The following CNTNAP2 variants were observed in gnomAD, a reference collection of about 807,000 sequenced individuals.
CNTNAP2 encodes contactin associated protein 2, also known as contactin-associated protein-like 2.
A neutral mutation model predicts 155.2 loss-of-function variants in CNTNAP2; 98 were observed. That is an observed-to-expected ratio of 0.63 (90% CI 0.54 to 0.75). The LOEUF is 0.75. Among genes scored for constraint, CNTNAP2 ranks in the 30% least tolerant of loss-of-function variants. The pLI is 0.00. For synonymous variants in CNTNAP2, 651 were observed against 631.2 expected (o/e 1.03, Z -0.47); for missense variants, 1,727 against 1,688.1 (o/e 1.02, Z -0.40).
intron 13 of CNTNAP2, among the ~76,000 whole-genome samples, chr7:147,804,022 A>G (rs1798048770): frequency 6.6e-6 from 1 of 152,224 alleles, no homozygotes; most frequent in African/African-American, 2.4e-5. Flanking sequence ...AGTCTAAGAC[A>G]ATGGAGCAAT....
At chr7:148,318,649 A>G (rs1424080072) in intron 21 of CNTNAP2, among the ~76,000 whole-genome samples, 3 of 152,226 alleles carry the variant, frequency 2.0e-5, no homozygotes, top group Non-Finnish European at 4.4e-5. Flanking sequence ...AGCAGGTGGC[A>G]TGGCATGTAA....
At chr7:146,930,791 C>T (rs1304168447) in intron 3 of CNTNAP2, among the ~76,000 whole-genome samples, 1 of 152,024 alleles carries the variant, frequency 6.6e-6, no homozygotes, top group Non-Finnish European at 1.5e-5. Context: ...CAATCCTAGT[C>T]TCTGATAAAA....
At chr7:147,219,109 G>C (rs563667472) in intron 8 of CNTNAP2, among the ~76,000 whole-genome samples, 8 of 152,294 alleles carry the variant, frequency 5.3e-5, no homozygotes, top group African/African-American at 1.9e-4. Context: ...GAGAGGGTGA[G>C]AGAGCAAGAA....
At chr7:147,424,729 A>G (rs916218785) in intron 10 of CNTNAP2, among the ~76,000 whole-genome samples, 4 of 152,010 alleles carry the variant, frequency 2.6e-5, no homozygotes, top group Non-Finnish European at 5.9e-5. Context: ...AACATCTCAA[A>G]CTCTTTGTTT....
chr7:146,354,216 CT>C (rs1315519567), intron 1 of CNTNAP2, among the ~76,000 whole-genome samples: 1 of 152,154 alleles, frequency 6.6e-6, no homozygotes, highest in Non-Finnish European at 1.5e-5. Context: ...CACTTATCCA[CT>C]GTGAGCTTTA....
intron 1 of CNTNAP2, among the ~76,000 whole-genome samples, chr7:146,199,574 A>T (rs1798827158): frequency 6.6e-6 from 1 of 152,242 alleles, no homozygotes; most frequent in Admixed American, 6.5e-5. Context: ...CATGACTGGA[A>T]GGAAAATATC....
At chr7:147,240,082 AT>A (rs565481729) in intron 8 of CNTNAP2, among the ~76,000 whole-genome samples, 18 of 152,234 alleles carry the variant, frequency 1.2e-4, no homozygotes, top group Admixed American at 1.1e-3. Context: ...TTTATGCCTC[AT>A]TTTTTTAATC....
intron 1 of CNTNAP2, among the ~76,000 whole-genome samples, chr7:146,659,328 C>T (rs963665132): frequency 6.6e-6 from 1 of 152,070 alleles, no homozygotes; most frequent in East Asian, 1.9e-4. Flanking sequence ...TACTTTCAGG[C>T]CTGCCTTTGG....
intron 13 of CNTNAP2, among the ~76,000 whole-genome samples, chr7:147,901,661 T>C (rs28742137): frequency 0.017 from 2,555 of 152,338 alleles, 71 homozygotes; most frequent in African/African-American, 0.056. Context: ...AATGCATACT[T>C]GACCTTCAAG....
intron 2 of CNTNAP2, among the ~76,000 whole-genome samples, chr7:146,780,937 T>G (rs1802475119): frequency 6.6e-6 from 1 of 151,954 alleles, no homozygotes; most frequent in Non-Finnish European, 1.5e-5. Flanking sequence ...GCTTAAAACC[T>G]AGATGACAGG....
chr7:148,296,875 C>A (rs1438983924), intron 21 of CNTNAP2, among the ~76,000 whole-genome samples: 1 of 152,150 alleles, frequency 6.6e-6, no homozygotes, highest in East Asian at 1.9e-4. Flanking sequence ...TGACCCAAGT[C>A]AAAGTTTATT....
intron 1 of CNTNAP2, among the ~76,000 whole-genome samples, chr7:146,206,513 G>A (rs1415260721): frequency 2.6e-5 from 4 of 151,908 alleles, no homozygotes; most frequent in East Asian, 1.9e-4. Flanking sequence ...GACCCAAAAG[G>A]GAGGATAGAC....
At chr7:148,413,495 A>G (rs1396982770) in intron 23 of CNTNAP2, among the ~76,000 whole-genome samples, 1 of 144,642 alleles carries the variant, frequency 6.9e-6, no homozygotes, top group Non-Finnish European at 1.5e-5. Flanking sequence ...GTGTCAGGAT[A>G]ATGCTGGTCT....
At chr7:147,483,095 A>C (rs867634379) in intron 10 of CNTNAP2, among the ~76,000 whole-genome samples, 69 of 152,090 alleles carry the variant, frequency 4.5e-4, no homozygotes, top group African/African-American at 1.5e-3. Flanking sequence ...AGAAAGAAAA[A>C]TATTAAAATT....
intron 1 of CNTNAP2, among the ~76,000 whole-genome samples, chr7:146,530,560 G>A (rs1295108956): frequency 6.6e-6 from 1 of 152,130 alleles, no homozygotes; most frequent in Non-Finnish European, 1.5e-5. Flanking sequence ...TAAAAAGTGG[G>A]CAAAAGACAT....
intron 3 of CNTNAP2, among the ~76,000 whole-genome samples, chr7:146,891,841 G>T (rs988481953): frequency 3.3e-5 from 5 of 152,050 alleles, no homozygotes; most frequent in South Asian, 4.1e-4. Flanking sequence ...CACAAGAAAT[G>T]GTATCCATTT....
intron 3 of CNTNAP2, among the ~76,000 whole-genome samples, chr7:146,904,680 C>T (rs1231214439): frequency 2.0e-5 from 3 of 152,074 alleles, no homozygotes; most frequent in Non-Finnish European, 4.4e-5. Flanking sequence ...ACTGTATTAG[C>T]CAGGATGGTC....
chr7:146,346,880 C>CTAAT (rs1207664138), intron 1 of CNTNAP2, among the ~76,000 whole-genome samples: 1 of 152,050 alleles, frequency 6.6e-6, no homozygotes, highest in Non-Finnish European at 1.5e-5. Flanking sequence ...AGTGCATGAC[C>CTAAT]ATTAATCTGT....
At chr7:146,253,893 CAA>C (rs113028868) in intron 1 of CNTNAP2, among the ~76,000 whole-genome samples, 7 of 142,144 alleles carry the variant, frequency 4.9e-5, no homozygotes, top group African/African-American at 1.5e-4. Context: ...CCTGTCACTA[CAA>C]AAAAAAAAAA....
Sources: allele counts gnomAD v4.1 joint callset (sites outside exome capture counted in the v4.1 genomes callset), GRCh38; gene constraint gnomAD v4.1.1; transcripts MANE v1.5; gene names NCBI Gene and HGNC (gene_info 2026-07-23, HGNC 2026-07-21).